RNF34: variants seen among roughly 807,000 people sequenced by gnomAD.
RNF34 encodes the protein ring finger protein 34.
Under a neutral mutation model 37.9 loss-of-function variants are expected in RNF34, and 12 were observed. That is an observed-to-expected ratio of 0.32 (90% CI 0.20 to 0.51). The LOEUF is 0.51. Among genes scored for constraint, RNF34 ranks in the 20% least tolerant of loss-of-function variants. The pLI is 0.97. For synonymous variants in RNF34, 155 were observed against 177.2 expected, an observed-to-expected ratio of 0.87 and a Z score of 1.00; for missense variants, 362 against 472.7, an observed-to-expected ratio of 0.77 and a Z score of 2.17.
intron 1 of RNF34, among the ~76,000 whole-genome samples, chr12:121,412,891 A>C (rs782472432): frequency 8.8e-5 from 13 of 147,908 alleles, no homozygotes; most frequent in Admixed American, 4.7e-4. Context: ...CTATTTTTGT[A>C]TTTTTAGTAG....
intron 1 of RNF34, among the ~76,000 whole-genome samples, chr12:121,414,518 A>G (rs1475418071): frequency 6.6e-6 from 1 of 151,640 alleles, no homozygotes; most frequent in African/African-American, 2.4e-5. Flanking sequence ...AGAGACAAGG[A>G]AAAAACCATA....
intron 1 of RNF34, among the ~76,000 whole-genome samples, chr12:121,407,997 T>G: frequency 6.6e-6 from 1 of 152,002 alleles, no homozygotes; most frequent in East Asian, 1.9e-4. Context: ...CTTTTATAGG[T>G]TCTGTCAAGT....
intron 5 of RNF34, among the ~76,000 whole-genome samples, chr12:121,421,372 A>AC (rs1555283356): frequency 0.17 from 9,283 of 53,734 alleles, 440 homozygotes; most frequent in South Asian, 0.19. Flanking sequence ...TCCCATCTCT[A>AC]AAAAAAAAAA....
chr12:121,404,675 G>A (rs1460728485), intron 1 of RNF34, among the ~76,000 whole-genome samples: 4 of 151,990 alleles, frequency 2.6e-5, no homozygotes, highest in South Asian at 2.1e-4. Flanking sequence ...GAGCTACTGC[G>A]CCCAGCCTGT....
At chr12:121,415,011 G>A (rs1338642893) in intron 1 of RNF34, among the ~76,000 whole-genome samples, 3 of 152,144 alleles carry the variant, frequency 2.0e-5, no homozygotes, top group Non-Finnish European at 2.9e-5. Context: ...CAGGAGAATC[G>A]CTTGAGCCCG....
intron 1 of RNF34, among the ~76,000 whole-genome samples, chr12:121,408,191 A>G (rs934189124): frequency 7.9e-5 from 12 of 152,282 alleles, no homozygotes; most frequent in Admixed American, 2.6e-4. Flanking sequence ...CTGTAATCCC[A>G]ACACTTTGGG....
In RNF34 at chr12:121,412,835, C is replaced by T. The variant is rs549987247; in HGVS notation, c.7-3324C>T. 6.0e-5 allele frequency among the ~76,000 whole-genome samples: 9 copies of T among 150,992 alleles called. No individual in the cohort carries two copies. In the South Asian group the frequency reaches 1.9e-3, roughly 32 times the overall value. On this transcript the variant is annotated intron_variant, in intron 1 of 5. Coordinates refer to ENST00000361234, the MANE Select transcript of RNF34 (RefSeq NM_025126.4). The stretch of plus-strand genomic sequence containing the variant: ...TGCCTCCTGGGTTCAAGTAATTCTC[C>T]TGCCTTAGCCTCCCAAGTAGCTGGG...
Position 121,402,756 on chromosome 12 carries a change from C to G in RNF34, c.6+2538C>G, listed in dbSNP as rs782619597. The G allele has an allele frequency of 3.1e-6, 5 of 1,602,934 alleles. No homozygotes were observed. In the African/African-American group the frequency reaches 6.7e-5, roughly 22 times the overall value. ...TTCTCTGAAAGGTGGGGGAGTGGTA[C>G]TAAGGATCAAGTATACTGTTAAAAG... On this transcript the variant is annotated intron_variant, in intron 1 of 5. Coordinates refer to ENST00000361234, the MANE Select transcript of RNF34 (RefSeq NM_025126.4).
rs1020005143 is a variant in RNF34 at position 121,400,171 on chromosome 12, G to C, written c.-42G>C. 6 of 1,604,750 alleles carry C rather than the reference G, an allele frequency of 3.7e-6. No homozygotes were observed. Among genetic ancestry groups the C allele is most frequent in the African/African-American group, 1.3e-5 (1 of 74,930 alleles). On this transcript the variant is annotated 5_prime_UTR_variant, in exon 1 of 6. Coordinates refer to ENST00000361234, the MANE Select transcript of RNF34 (RefSeq NM_025126.4). ...CAGTGTGAGGAGCTGCTATGGTGCT[G>C]AGTTTCCTGGTAGAGCCGGCCGAGC...
chr12:121,412,052 ATTAACT>A (rs544354160), intron 1 of RNF34, among the ~76,000 whole-genome samples: 54 of 152,158 alleles, frequency 3.5e-4, no homozygotes, highest in South Asian at 3.1e-3. Context: ...TTAAAAGAAC[ATTAACT>A]TTATTATTAT....
chr12:121,410,898 A>AT (rs1172594969), intron 1 of RNF34, among the ~76,000 whole-genome samples: 1 of 152,070 alleles, frequency 6.6e-6, no homozygotes, highest in Non-Finnish European at 1.5e-5. Context: ...TTATAGCAAC[A>AT]TTTTTGCCTG....
At chr12:121,422,138 A>G (rs529685193) in intron 5 of RNF34, among the ~76,000 whole-genome samples, 2 of 152,292 alleles carry the variant, frequency 1.3e-5, no homozygotes, top group Admixed American at 1.3e-4. Flanking sequence ...TCCCACCCTT[A>G]AGTACTTTGC....
At chr12:121,420,518 T>C (rs532006940) in intron 4 of RNF34, 59 bp from the exon 5 acceptor site, 1 of 1,590,424 alleles carries the variant, frequency 6.3e-7, no homozygotes, top group South Asian at 1.1e-5. Flanking sequence ...GTGATGAGTT[T>C]AGAGTGGGGA....
chr12:121,410,944 T>C (rs1481860481), intron 1 of RNF34, among the ~76,000 whole-genome samples: 3 of 152,186 alleles, frequency 2.0e-5, no homozygotes, highest in African/African-American at 4.8e-5. Context: ...TTTTTTGTTG[T>C]TTGTTTTTGA....
chr12:121,400,226 G>C lies in RNF34; in HGVS notation c.6+8G>C. 6.2e-7 allele frequency: 1 copy of C among 1,608,438 alleles called. No homozygotes were observed. Among genetic ancestry groups the C allele is most frequent in the South Asian group, 1.1e-5 (1 of 90,436 alleles). ...GCGGTCGCGGCCATGAAGGTGAGGG[G>C]CCGGTGGAGCCGGACAGACCCTCCT... is the stretch of plus-strand genomic sequence containing the variant. On this transcript the variant is annotated splice_region_variant and intron_variant, in intron 1 of 5. Transcript: ENST00000361234.
chr12:121,418,284 T>G, intron 3 of RNF34: 1 of 182,766 alleles, frequency 5.5e-6, no homozygotes, highest in Non-Finnish European at 1.1e-5. Context: ...AAACAATCAG[T>G]AGTGTAAGTT....
rs150408238 is a variant in RNF34 at position 121,417,894 on chromosome 12, T to C, written c.616T>C (p.Ser206Pro). 12 of 1,613,838 alleles carry C rather than the reference T, an allele frequency of 7.4e-6. No individual in the cohort carries two copies. The highest frequency in any genetic ancestry group is 1.0e-5 in the Non-Finnish European group (12 of 1,179,984). ...TATGGATGGAGACCAAACATCCAGATCTGGAGTGCCGGCACAGGTACGAGG... is the reference window on the plus strand; with the variant it reads ...TATGGATGGAGACCAAACATCCAGACCTGGAGTGCCGGCACAGGTACGAGG... Reference protein sequence around the residue: ...ELMDGDQTSRSGVPAQVQSEI... With the variant: ...ELMDGDQTSRPGVPAQVQSEI... Residue 206 changes from serine to proline, a missense_variant, in exon 3 of 6, where the codon TCT (serine) becomes CCT (proline). Transcript: ENST00000361234. The surrounding 1 kb of genome is among the most constrained non-coding windows in gnomAD (Gnocchi z 5.0).
At position 121,400,327 on chromosome 12, in the gene RNF34, G is replaced by A. The variant is rs1037210822; in HGVS notation, c.6+109G>A. On this transcript the variant is annotated intron_variant, in intron 1 of 5. Transcript: ENST00000361234. ...TTAGCGGTTACCTAGTCGTCATCTC[G>A]GAGAGCTGCGCTGAGGGGGGTCGCT... is the stretch of plus-strand genomic sequence containing the variant. 3.2e-5 allele frequency: 42 copies of A among 1,331,692 alleles called. No homozygotes were observed. In the African/African-American group the frequency reaches 5.0e-4, roughly 16 times the overall value. 82.5% of individuals were successfully genotyped at this position (1,331,692 alleles called of 1,614,324 possible).
At chr12:121,404,135 T>C (rs1870273208) in intron 1 of RNF34, among the ~76,000 whole-genome samples, 1 of 150,940 alleles carries the variant, frequency 6.6e-6, no homozygotes, top group Admixed American at 6.6e-5. Flanking sequence ...CTGCCTCAGC[T>C]TCCCAAGTAG....
Sources: gnomAD v4.1 joint callset for allele counts (sites outside exome capture counted in the v4.1 genomes callset) on GRCh38, gnomAD v4.1.1 for gene constraint, Gnocchi (gnomAD v3.1) non-coding constraint, MANE v1.5 for transcripts, NCBI Gene and HGNC (gene_info 2026-07-23, HGNC 2026-07-21) for gene names.